SNRPA: variants seen among roughly 807,000 people sequenced by gnomAD.
The protein encoded by SNRPA is small nuclear ribonucleoprotein polypeptide A, also known as U1 small nuclear ribonucleoprotein A.
In SNRPA, 10 loss-of-function variants were observed where a neutral mutation model predicts 24.5. The ratio of observed to expected loss-of-function variants is 0.41; its 90% CI spans 0.25 to 0.69. The LOEUF (loss-of-function observed/expected upper bound fraction) is 0.69. SNRPA is among the 30% of genes least tolerant of loss of function. The probability of loss-of-function intolerance (pLI) is 0.33; values close to 1 mark genes in which losing one functional copy is unlikely to be tolerated. For missense variants in SNRPA, 283 were observed against 394.7 expected, an observed-to-expected ratio of 0.72 and a Z score of 2.40; for synonymous variants, 165 against 148.4, an observed-to-expected ratio of 1.11 and a Z score of -0.81.
At chr19:40,761,452 C>CTTTTTT in intron 3 of SNRPA, among the ~76,000 whole-genome samples, 1 of 96,396 alleles carries the variant, frequency 1.0e-5, no homozygotes, top group African/African-American at 3.3e-5. Context: ...TTTTCTTTTT[C>CTTTTTT]TTTTTCTTTT....
chr19:40,753,534 T>C (rs2082894947), intron 1 of SNRPA, among the ~76,000 whole-genome samples: 1 of 146,998 alleles, frequency 6.8e-6, no homozygotes, highest in African/African-American at 2.5e-5. Flanking sequence ...GTAGCTGGAA[T>C]TACAGGCACC....
rs1467021764 is a variant in SNRPA, at chr19:40,751,365, G to T, written c.-44G>T. On this transcript the variant is annotated 5_prime_UTR_variant, in exon 1 of 6. Transcript: ENST00000243563. ...GGATTTGGAGAAACCCAGGGCTAAA[G>T]TCACGTTTTTCCTCCTTTAAGACTT... 3 of 1,473,008 alleles carry T rather than the reference G, an allele frequency of 2.0e-6. No homozygotes were observed. The highest frequency in any genetic ancestry group is 1.4e-5 in the African/African-American group (1 of 72,036). The allele number at this position is 1,473,008 out of a possible 1,614,324, so 91.2% of individuals were successfully genotyped here.
At chr19:40,755,757 T>C (rs1252466255) in intron 1 of SNRPA, among the ~76,000 whole-genome samples, 2 of 152,176 alleles carry the variant, frequency 1.3e-5, no homozygotes, top group Non-Finnish European at 2.9e-5. Context: ...TTGTTGAGCT[T>C]GAATCTCACT....
intron 1 of SNRPA, among the ~76,000 whole-genome samples, chr19:40,752,767 A>G (rs200445751): frequency 6.9e-6 from 1 of 145,890 alleles, no homozygotes; most frequent in South Asian, 2.2e-4. Flanking sequence ...AAAAAAAAAA[A>G]GAACTCAATT....
At chr19:40,754,318 G>C (rs1388153198) in intron 1 of SNRPA, among the ~76,000 whole-genome samples, 1 of 151,582 alleles carries the variant, frequency 6.6e-6, no homozygotes, top group Non-Finnish European at 1.5e-5. Context: ...GGCTATGCTG[G>C]TCTCGAACTC....
Position 40,763,002 on chromosome 19 carries a change from A to C in SNRPA, c.528A>C (p.Ala176=). ...PPGMIPPPGL[A]PGQIPPGAMP... ...GTATGATCCCCCCGCCAGGCCTTGC[A>C]CCTGGCCAGATCCCACCAGGGGCCA... The change falls in exon 4 of 6, where the codon GCA becomes GCC. Residue 176 remains alanine, a synonymous_variant. Coordinates refer to ENST00000243563, the MANE Select transcript of SNRPA (RefSeq NM_004596.5). 6.2e-7 allele frequency: 1 copy of C among 1,611,064 alleles called. No individual in the cohort carries two copies. The highest frequency in any genetic ancestry group is 8.5e-7 in the Non-Finnish European group (1 of 1,178,170).
At position 40,759,464 on chromosome 19, in the gene SNRPA, A is replaced by G. The variant is rs767980536; in HGVS notation, c.280A>G (p.Ile94Val). The G allele has an allele frequency of 5.6e-6, 9 of 1,613,556 alleles. No individual in the cohort carries two copies. The highest frequency in any genetic ancestry group is 5.1e-6 in the Non-Finnish European group (6 of 1,179,912). Residue 94 changes from isoleucine (I) to valine (V), a missense_variant, in exon 3 of 6, where the codon ATT (isoleucine) becomes GTT (valine). Physicochemically the swap from Ile to Val is conservative, Grantham distance 29 (BLOSUM62 3). Around this residue, in one of 6 missense-constraint regions of SNRPA, gnomAD observed 167 missense variants for 174.3 expected, o/e 0.96. Coordinates refer to ENST00000243563, the MANE Select transcript of SNRPA (RefSeq NM_004596.5). ...IQYAKTDSDI[I>V]AKMKGTFVER... ...GTATGCCAAGACCGACTCAGATATC[A>G]TTGCCAAGATGAAAGGCACCTTCGT...
chr19:40,760,283 G>A (rs1159234773), intron 3 of SNRPA, among the ~76,000 whole-genome samples: 1 of 152,162 alleles, frequency 6.6e-6, no homozygotes, highest in South Asian at 2.1e-4. Context: ...AGGATTACAT[G>A]CATGAGCCAC....
intron 1 of SNRPA, among the ~76,000 whole-genome samples, chr19:40,753,181 C>A (rs1413606751): frequency 6.6e-6 from 1 of 151,818 alleles, no homozygotes; most frequent in Admixed American, 6.6e-5. Flanking sequence ...ATGGTGAAAC[C>A]CCGTCTCTAC....
intron 3 of SNRPA, among the ~76,000 whole-genome samples, chr19:40,761,003 C>G (rs554232743): frequency 5.6e-4 from 85 of 151,784 alleles, no homozygotes; most frequent in Non-Finnish European, 8.2e-4. Context: ...ATCTGTCTCC[C>G]CAGGCTGGAA....
chr19:40,759,478 A>T lies in SNRPA; in HGVS notation c.294A>T (p.Lys98Asn), dbSNP rs926944470. ...KTDSDIIAKM[K>N]GTFVERDRKR... Reference sequence around the variant, plus strand: ...ACTCAGATATCATTGCCAAGATGAAAGGCACCTTCGTGGAGCGGGACCGCA... The same window carrying T: ...ACTCAGATATCATTGCCAAGATGAATGGCACCTTCGTGGAGCGGGACCGCA... The change falls in exon 3 of 6, where the codon AAA becomes AAT. Residue 98 changes from lysine (K) to asparagine (N), a missense_variant. Coordinates refer to ENST00000243563, the MANE Select transcript of SNRPA (RefSeq NM_004596.5). 1 of 1,613,792 alleles carries T rather than the reference A, an allele frequency of 6.2e-7. No homozygotes were observed. The highest frequency in any genetic ancestry group is 8.5e-7 in the Non-Finnish European group (1 of 1,179,912).
intron 5 of SNRPA, among the ~76,000 whole-genome samples, chr19:40,763,907 A>G (rs2082943839): frequency 6.6e-6 from 1 of 152,126 alleles, no homozygotes; most frequent in South Asian, 2.1e-4. Context: ...GGCTTTTTTC[A>G]GCCTTGTTTG....
chr19:40,764,969 G>A (rs1391768362), intron 5 of SNRPA, 39 bp from the exon 6 acceptor site: 2 of 1,495,756 alleles, frequency 1.3e-6, no homozygotes, highest in Non-Finnish European at 1.8e-6. Flanking sequence ...TACGTTAGGG[G>A]GAAATGCTGA....
intron 2 of SNRPA, 143 bp from the exon 3 acceptor site, chr19:40,759,288 G>C (rs1316857129): frequency 1.5e-6 from 1 of 671,190 alleles, no homozygotes; most frequent in African/African-American, 1.9e-5. Flanking sequence ...GGCCTCAAGT[G>C]ATCTGCTCGC....
Position 40,757,515 on chromosome 19 carries a change from C to CG in SNRPA, c.246+14dup, listed in dbSNP as rs775045048. ...TATGACAAACCTATGGTGAGCATTGCGGGTACGGAGGCTGTGTGGGTGTGT... is the reference window on the plus strand; with the variant it reads ...TATGACAAACCTATGGTGAGCATTGCGGGGTACGGAGGCTGTGTGGGTGTGT... On this transcript the variant is annotated intron_variant, in intron 2 of 5. Coordinates refer to ENST00000243563, the MANE Select transcript of SNRPA (RefSeq NM_004596.5). The CG allele has an allele frequency of 6.9e-6, 11 of 1,603,320 alleles. No individual in the cohort carries two copies. The highest frequency in any genetic ancestry group is 1.3e-5 in the African/African-American group (1 of 74,324).
At chr19:40,753,474 A>G (rs1488308308) in intron 1 of SNRPA, among the ~76,000 whole-genome samples, 1 of 128,730 alleles carries the variant, frequency 7.8e-6, no homozygotes, top group Non-Finnish European at 1.6e-5. Context: ...TTGGCTCACT[A>G]CAACCTCTGC....
rs757162946 is a variant in SNRPA, at chr19:40,759,589, G to A, written c.405G>A (p.Gly135=). The A allele has an allele frequency of 1.3e-5, 21 of 1,611,988 alleles. No homozygotes were observed. The Admixed American group carries it at 2.7e-4, about 21-fold the overall frequency. ...VQGGGATPVV[G]AVQGPVPGMP... ...GCGGGGGAGCCACCCCCGTGGTGGG[G>A]GCTGTCCAGGGGCCTGTCCCGGTAA... is the stretch of plus-strand genomic sequence containing the variant. Residue 135 remains glycine, a synonymous_variant, in exon 3 of 6, where the codon GGG becomes GGA. Transcript: ENST00000243563.
At chr19:40,760,462 T>C (rs192971173) in intron 3 of SNRPA, among the ~76,000 whole-genome samples, 24 of 152,280 alleles carry the variant, frequency 1.6e-4, no homozygotes, top group Admixed American at 1.5e-3. Flanking sequence ...ATAGGAAGAC[T>C]CAGTATTGTC....
At chr19:40,764,752 G>A (rs1275042495) in intron 5 of SNRPA, among the ~76,000 whole-genome samples, 3 of 152,182 alleles carry the variant, frequency 2.0e-5, no homozygotes, top group Non-Finnish European at 4.4e-5. Flanking sequence ...AAGGGCCCAG[G>A]AGACTGCGGT....
Sources: allele counts gnomAD v4.1 joint callset (sites outside exome capture counted in the v4.1 genomes callset), GRCh38; gene constraint gnomAD v4.1.1; regional missense constraint gnomAD v4.1.1; transcripts MANE v1.5; gene names NCBI Gene and HGNC (gene_info 2026-07-23, HGNC 2026-07-21).